The following NCKAP5 variants were observed in gnomAD, a reference collection of about 807,000 sequenced individuals.
NCKAP5 encodes the protein nck-associated protein 5.
A neutral mutation model predicts 167.0 loss-of-function variants in NCKAP5; 92 were observed. That is an observed-to-expected ratio of 0.55 (90% CI 0.47 to 0.66). The LOEUF is 0.66. NCKAP5 is among the 30% of genes least tolerant of loss of function. NCKAP5 has a pLI of 0.00. For missense variants in NCKAP5, 2,378 were observed against 2,315.0 expected (o/e 1.03, Z -0.56); for synonymous variants, 891 against 877.4 (o/e 1.02, Z -0.27).
At chr2:133,312,524 G>A (rs1681315416) in intron 3 of NCKAP5, among the ~76,000 whole-genome samples, 1 of 152,098 alleles carries the variant, frequency 6.6e-6, no homozygotes, top group Non-Finnish European at 1.5e-5. Flanking sequence ...GAAATGGTTT[G>A]TGCAATATCC....
chr2:133,297,942 C>A (rs1418602619), intron 4 of NCKAP5, among the ~76,000 whole-genome samples: 1 of 152,182 alleles, frequency 6.6e-6, no homozygotes, highest in Non-Finnish European at 1.5e-5. Flanking sequence ...TAACTTCAGG[C>A]AATCTGGTTG....
chr2:132,911,527 A>C (rs1033724649), intron 8 of NCKAP5, among the ~76,000 whole-genome samples: 2 of 152,170 alleles, frequency 1.3e-5, no homozygotes, highest in African/African-American at 4.8e-5. Context: ...GTCCTTTAAA[A>C]ATCAAATTTT....
At chr2:133,504,973 G>A (rs764437673) in intron 3 of NCKAP5, among the ~76,000 whole-genome samples, 6 of 152,114 alleles carry the variant, frequency 3.9e-5, no homozygotes, top group Non-Finnish European at 8.8e-5. Context: ...GAAGGCATAA[G>A]ACAAACAAAG....
intron 3 of NCKAP5, among the ~76,000 whole-genome samples, chr2:133,332,349 G>T (rs1231356491): frequency 3.9e-5 from 6 of 152,102 alleles, no homozygotes; most frequent in Non-Finnish European, 7.4e-5. Flanking sequence ...ACACTCCAAT[G>T]CACCCAGTTA....
intron 18 of NCKAP5, among the ~76,000 whole-genome samples, chr2:132,728,312 C>T (rs1690660015): frequency 6.6e-6 from 1 of 152,126 alleles, no homozygotes; most frequent in Non-Finnish European, 1.5e-5. Flanking sequence ...CATCTCAGGG[C>T]AGATGAAGAA....
At chr2:133,616,588 C>G in the NCKAP5 span, among the ~76,000 whole-genome samples, 1 of 152,036 alleles carries the variant, frequency 6.6e-6, no homozygotes, top group Non-Finnish European at 1.5e-5. Flanking sequence ...CACACTCTCC[C>G]AAGACTAAAC....
At chr2:133,395,874 G>A (rs147974920) in intron 3 of NCKAP5, among the ~76,000 whole-genome samples, 5 of 152,140 alleles carry the variant, frequency 3.3e-5, no homozygotes, top group African/African-American at 9.6e-5. Context: ...TTGAACTCCT[G>A]GCTTCAAGCA....
chr2:132,852,498 C>T (rs1689150763), intron 11 of NCKAP5, among the ~76,000 whole-genome samples: 1 of 152,156 alleles, frequency 6.6e-6, no homozygotes, highest in Admixed American at 6.5e-5. Flanking sequence ...TGTTGAAGGT[C>T]ACAGTGACAG....
In NCKAP5 at chr2:133,505,251, G is replaced by A. The variant is rs150357467; in HGVS notation, c.69+12207C>T. Among the ~76,000 whole-genome samples the A allele has an allele frequency of 1.4e-4, 22 of 152,250 alleles. 1 individual carries two copies. The highest frequency in any genetic ancestry group is 2.9e-5 in the Non-Finnish European group (2 of 68,028). On this transcript the variant is annotated intron_variant, in intron 3 of 19. Coordinates refer to ENST00000409261, the MANE Select transcript of NCKAP5 (RefSeq NM_207363.3). ...GTGTACAGCTCATTAATAGGGGACTGCTGAGCAATTGAACTAAGAAGAAAG... is the reference window on the plus strand; with the variant it reads ...GTGTACAGCTCATTAATAGGGGACTACTGAGCAATTGAACTAAGAAGAAAG...
the NCKAP5 span, among the ~76,000 whole-genome samples, chr2:133,597,754 C>T: frequency 2.0e-5 from 3 of 151,770 alleles, no homozygotes; most frequent in Non-Finnish European, 2.9e-5. Context: ...TCCTCTCATG[C>T]CTCTGGCTTA....
chr2:133,673,019 G>A, the NCKAP5 span, among the ~76,000 whole-genome samples: 2 of 152,176 alleles, frequency 1.3e-5, no homozygotes, highest in Non-Finnish European at 2.9e-5. Flanking sequence ...TACAGGACTT[G>A]TGTCCAAAGG....
Position 132,693,380 on chromosome 2 carries a change from A to G in NCKAP5, c.5714-20075T>C, listed in dbSNP as rs138998631. On this transcript the variant is annotated intron_variant, in intron 19 of 19. Transcript: ENST00000409261. ...CTTATGAGAAGAGAAAAAGAGACAC[A>G]GGAAGACATGCACGGAGGAAAGATG... Among the ~76,000 whole-genome samples the G allele has an allele frequency of 1.9e-4, 29 of 152,288 alleles. No individual in the cohort carries two copies. The East Asian group carries it at 5.6e-3, about 29-fold the overall frequency.
At chr2:133,660,679 T>C in the NCKAP5 span, among the ~76,000 whole-genome samples, 2 of 151,546 alleles carry the variant, frequency 1.3e-5, no homozygotes, top group African/African-American at 4.9e-5. Context: ...TATTAGAACA[T>C]TCGCTGGACG....
intron 9 of NCKAP5, among the ~76,000 whole-genome samples, chr2:132,873,013 T>C (rs1256598911): frequency 1.3e-5 from 2 of 152,196 alleles, no homozygotes; most frequent in African/African-American, 4.8e-5. Flanking sequence ...GGACTTGATA[T>C]AAAGCCGTCA....
chr2:132,724,199 CT>C (rs1244086452), intron 19 of NCKAP5, among the ~76,000 whole-genome samples: 5 of 152,156 alleles, frequency 3.3e-5, no homozygotes, highest in Admixed American at 3.3e-4. Flanking sequence ...TCAATTTCAA[CT>C]TCTCCTCCAA....
intron 7 of NCKAP5, among the ~76,000 whole-genome samples, chr2:132,984,545 C>T (rs768326644): frequency 6.6e-6 from 1 of 152,168 alleles, no homozygotes; most frequent in Non-Finnish European, 1.5e-5. Context: ...CCACACCTGG[C>T]AATTTCTCTT....
chr2:133,286,575 A>C (rs989034146), intron 4 of NCKAP5, among the ~76,000 whole-genome samples: 4 of 152,196 alleles, frequency 2.6e-5, no homozygotes, highest in Non-Finnish European at 5.9e-5. Flanking sequence ...ACTAGGGGAA[A>C]AATCATAAAG....
intron 3 of NCKAP5, among the ~76,000 whole-genome samples, chr2:133,407,149 G>T (rs1688490883): frequency 6.6e-6 from 1 of 152,234 alleles, no homozygotes; most frequent in African/African-American, 2.4e-5. Flanking sequence ...AGGTATGAAA[G>T]ATGAAATGAG....
chr2:132,804,312 A>G (rs1490176160), intron 11 of NCKAP5, among the ~76,000 whole-genome samples: 3 of 152,214 alleles, frequency 2.0e-5, no homozygotes, highest in Admixed American at 6.5e-5. Context: ...GCCTGAGCCT[A>G]TTCTGGGATC....
Sources: gnomAD v4.1 joint callset for allele counts (sites outside exome capture counted in the v4.1 genomes callset) on GRCh38, gnomAD v4.1.1 for gene constraint, MANE v1.5 for transcripts, NCBI Gene and HGNC (gene_info 2026-07-23, HGNC 2026-07-21) for gene names.